Variants in HOXC5 observed in about 807,000 individuals in gnomAD.
HOXC5 encodes homeobox C5.
HOXC5 carries 19 observed loss-of-function variants against 20.1 expected under a neutral mutation model. The observed-to-expected ratio is 0.94, with a 90% CI of 0.66 to 1.38. The LOEUF is 1.38. Among genes scored for constraint, HOXC5 ranks in the 40% most tolerant of loss-of-function variants. The pLI is 0.00. For synonymous variants in HOXC5, 124 were observed against 117.0 expected (o/e 1.06, Z -0.39); for missense variants, 330 against 300.1 (o/e 1.10, Z -0.74).
At chr12:54,016,962 A>G in the HOXC5 span, 1 of 147,796 alleles carries the variant, frequency 6.8e-6, no homozygotes, top group Non-Finnish European at 1.5e-5. Context: ...CATTAGCAGT[A>G]TTTTTTTTAA....
chr12:54,029,108 G>A (rs962219583), upstream of HOXC5, among the ~76,000 whole-genome samples: 21 of 152,068 alleles, frequency 1.4e-4, no homozygotes, highest in African/African-American at 1.7e-4. Flanking sequence ...CAGGGGCCTG[G>A]CCCCCTTGGC....
chr12:54,028,992 ACGG>A, upstream of HOXC5: 1 of 1,452,646 alleles, frequency 6.9e-7, no homozygotes, highest in East Asian at 2.3e-5. Context: ...CCCTAGAAGA[ACGG>A]GCGGAGAGAG....
At position 54,033,180 on chromosome 12, in the gene HOXC5, A is replaced by G. The variant is rs766759896; in HGVS notation, c.58A>G (p.Asn20Asp). 22 of 1,614,080 alleles carry G rather than the reference A, an allele frequency of 1.4e-5. No homozygotes were observed. The Admixed American group carries it at 3.7e-4, about 27-fold the overall frequency. ...GCAGAGCCCCAATATCCCTGCCTATAACATGCAAACTTGTGGGAACTATGG... is the reference window on the plus strand; with the variant it reads ...GCAGAGCCCCAATATCCCTGCCTATGACATGCAAACTTGTGGGAACTATGG... ...YKQSPNIPAY[N>D]MQTCGNYGSA... Residue 20 changes from asparagine (N) to aspartate (D), a missense_variant, in exon 1 of 2, where the codon AAC becomes GAC. Asn to Asp is a conservative substitution (Grantham distance 23). Transcript: ENST00000312492.
the HOXC5 span, chr12:54,020,893 A>T: frequency 6.6e-6 from 1 of 152,124 alleles, no homozygotes; most frequent in African/African-American, 2.4e-5. Flanking sequence ...CTTTCTCTCC[A>T]CACCTCCTGG....
Position 54,034,727 on chromosome 12 carries a change from C to A in HOXC5, c.*235C>A. 1 of 526,394 alleles carries A rather than the reference C, an allele frequency of 1.9e-6. No homozygotes were observed. The highest frequency in any genetic ancestry group is 3.4e-6 in the Non-Finnish European group (1 of 291,282). The allele number at this position is 526,394 out of a possible 1,614,324, so 32.6% of individuals were successfully genotyped here. ...CCTCAGCTCGGCTCAGCTCGGTACCCGGGGCCCAGGGCAAGCTCCGCAGGA... is the reference window on the plus strand; with the variant it reads ...CCTCAGCTCGGCTCAGCTCGGTACCAGGGGCCCAGGGCAAGCTCCGCAGGA... On this transcript the variant is annotated 3_prime_UTR_variant, in exon 2 of 2. Coordinates refer to ENST00000312492, the MANE Select transcript of HOXC5 (RefSeq NM_018953.4).
upstream of HOXC5, among the ~76,000 whole-genome samples, chr12:54,031,001 G>T (rs377753939): frequency 2.6e-5 from 4 of 152,242 alleles, no homozygotes; most frequent in Admixed American, 2.6e-4. Context: ...GCACTGAGGG[G>T]CTGGGAGGCC....
At chr12:54,031,831 C>G (rs143567681), upstream of HOXC5, among the ~76,000 whole-genome samples, 1,676 of 152,260 alleles carry the variant, frequency 0.011, 32 homozygotes, top group African/African-American at 0.038. Flanking sequence ...CTGCAGATAC[C>G]CTGCGAAGGC....
At position 54,033,351 on chromosome 12, in the gene HOXC5, AGCGCCGCGGCC is replaced by A; in HGVS notation, c.232_242del (p.Ala78SerfsTer32). The A allele has an allele frequency of 6.2e-7, 1 of 1,612,830 alleles. No homozygotes were observed. Among genetic ancestry groups the A allele is most frequent in the Non-Finnish European group, 8.5e-7 (1 of 1,179,416 alleles). ...GGCTCACCCCGACCGCCCCGCCTGC[AGCGCCGCGGCC>A]GCTCCGGGACACGCTCCGGGCAGAG... is the stretch of plus-strand genomic sequence containing the variant. On this transcript the variant is annotated frameshift_variant, in exon 1 of 2. Transcript: ENST00000312492. LOFTEE classifies it high-confidence loss of function.
In HOXC5 at chr12:54,033,479, AGAGGAG is replaced by A. The variant is rs771438592; in HGVS notation, c.358_363del (p.Glu120_Glu121del). On this transcript the variant is annotated inframe_deletion, in exon 1 of 2. Transcript: ENST00000312492. ...GAGCTAAGAGCAGTGGGGAGATCAA[AGAGGAG>A]CAGGCGCAGACAGGGCAGCCCGCCG... 1.3e-6 allele frequency: 2 copies of A among 1,595,790 alleles called. No homozygotes were observed. The highest frequency in any genetic ancestry group is 1.7e-6 in the Non-Finnish European group (2 of 1,173,766).
chr12:54,018,049 T>C, the HOXC5 span, among the ~76,000 whole-genome samples: 1 of 151,856 alleles, frequency 6.6e-6, no homozygotes, highest in Admixed American at 6.5e-5. Flanking sequence ...GGCTGGTGGC[T>C]GGTGCGCGTC....
At chr12:54,019,903 A>C in the HOXC5 span, 1 of 151,500 alleles carries the variant, frequency 6.6e-6, no homozygotes, top group African/African-American at 2.4e-5. Context: ...CCCTAGACCC[A>C]TCCTTACAAG....
At position 54,033,525 on chromosome 12, in the gene HOXC5, C is replaced by T. The variant is rs781557948; in HGVS notation, c.403C>T (p.Pro135Ser). The T allele has an allele frequency of 1.9e-6, 3 of 1,561,364 alleles. No homozygotes were observed. Among genetic ancestry groups the T allele is most frequent in the Middle Eastern group, 2.3e-4 (1 of 4,406 alleles). The part of the protein sequence containing the change: ...TGQPAGLSQP[P>S]APPQIYPWMT... Reference sequence around the variant, plus strand: ...GCAGCCCGCCGGACTGAGCCAGCCACCGGCCCCGCCACAGATTTACCCGTG... The same window carrying T: ...GCAGCCCGCCGGACTGAGCCAGCCATCGGCCCCGCCACAGATTTACCCGTG... The change falls in exon 1 of 2, where the codon CCG becomes TCG. Residue 135 changes from proline to serine, a missense_variant. Pro to Ser is a moderately conservative substitution (Grantham distance 74). Coordinates refer to ENST00000312492, the MANE Select transcript of HOXC5 (RefSeq NM_018953.4).
At chr12:54,027,718 A>G in the HOXC5 span, among the ~76,000 whole-genome samples, 1 of 152,194 alleles carries the variant, frequency 6.6e-6, no homozygotes, top group Admixed American at 6.5e-5. Context: ...AGGAGGCAGA[A>G]GGGAGCCAGG....
chr12:54,026,992 G>C, the HOXC5 span, among the ~76,000 whole-genome samples: 45,378 of 147,968 alleles, frequency 0.31, 7,488 homozygotes, highest in East Asian at 0.44. Flanking sequence ...AGCTTTCTCT[G>C]CTCCCCGCAC....
Position 54,033,289 on chromosome 12 carries a change from A to G in HOXC5, c.167A>G (p.Asn56Ser), listed in dbSNP as rs1460220361. 1 of 1,613,642 alleles carries G rather than the reference A, an allele frequency of 6.2e-7. No individual in the cohort carries two copies. Among genetic ancestry groups the G allele is most frequent in the Admixed American group, 1.7e-5 (1 of 59,982 alleles). Residue 56 changes from asparagine (N) to serine (S), a missense_variant, in exon 1 of 2, where the codon AAC becomes AGC. Transcript: ENST00000312492. ...ACTTTCCCACCGCCTGCGCCTTCCA[A>G]CTCTCTCCACGGGGTAGACATGGCT... Reference protein sequence around the residue: ...SITFPPPAPSNSLHGVDMAAN... With the variant: ...SITFPPPAPSSSLHGVDMAAN...
At position 54,033,379 on chromosome 12, in the gene HOXC5, C is replaced by G. The variant is rs763873244; in HGVS notation, c.257C>G (p.Pro86Arg). 2 of 1,613,048 alleles carry G rather than the reference C, an allele frequency of 1.2e-6. No homozygotes were observed. Among genetic ancestry groups the G allele is most frequent in the South Asian group, 1.1e-5 (1 of 91,040 alleles). ...GCCGCGGCCGCTCCGGGACACGCTCCGGGCAGAGACGAAGCGGCTCCTCTG... is the reference window on the plus strand; with the variant it reads ...GCCGCGGCCGCTCCGGGACACGCTCGGGGCAGAGACGAAGCGGCTCCTCTG... ...CSAAAAPGHA[P>R]GRDEAAPLNP... is the part of the protein sequence containing the mutation. Residue 86 changes from proline to arginine, a missense_variant, in exon 1 of 2, where the codon CCG (proline) becomes CGG (arginine). Coordinates refer to ENST00000312492, the MANE Select transcript of HOXC5 (RefSeq NM_018953.4).
At position 54,034,401 on chromosome 12, in the gene HOXC5, G is replaced by A. The variant is rs1322608399; in HGVS notation, c.578G>A (p.Cys193Tyr). The A allele has an allele frequency of 5.6e-6, 9 of 1,614,168 alleles. No individual in the cohort carries two copies. The highest frequency in any genetic ancestry group is 7.6e-6 in the Non-Finnish European group (9 of 1,179,962). Residue 193 changes from cysteine (C) to tyrosine (Y), a missense_variant, in exon 2 of 2, where the codon TGT (cysteine) becomes TAT (tyrosine). Coordinates refer to ENST00000312492, the MANE Select transcript of HOXC5 (RefSeq NM_018953.4). ...RRRIEIANNL[C>Y]LNERQIKIWF... is the part of the protein sequence containing the mutation. Reference sequence around the variant, plus strand: ...CGCATAGAGATCGCCAACAACTTGTGTCTCAATGAGAGACAGATCAAGATC... The same window carrying A: ...CGCATAGAGATCGCCAACAACTTGTATCTCAATGAGAGACAGATCAAGATC...
intron 1 of HOXC5, chr12:54,034,007 C>T (rs773034544): frequency 1.6e-6 from 1 of 644,600 alleles, no homozygotes; most frequent in Non-Finnish European, 2.9e-6. Context: ...GCTTATTGTT[C>T]GGTCCGAGCC....
chr12:54,034,377 G>T lies in HOXC5; in HGVS notation c.554G>T (p.Arg185Leu). 6.2e-7 allele frequency: 1 copy of T among 1,614,174 alleles called. No homozygotes were observed. The highest frequency in any genetic ancestry group is 2.2e-5 in the East Asian group (1 of 44,888). The change falls in exon 2 of 2, where the codon CGC becomes CTC. Residue 185 changes from arginine (R) to leucine (L), a missense_variant. By Grantham distance (102) the Arg-to-Leu change is moderately radical. Coordinates refer to ENST00000312492, the MANE Select transcript of HOXC5 (RefSeq NM_018953.4). ...HFNRYLTRRR[R>L]IEIANNLCLN... is the part of the protein sequence containing the mutation. ...AACCGCTACCTCACTCGCCGCAGGC[G>T]CATAGAGATCGCCAACAACTTGTGT...
Sources: gnomAD v4.1 joint callset for allele counts (sites outside exome capture counted in the v4.1 genomes callset) on GRCh38, gnomAD v4.1.1 for gene constraint, MANE v1.5 for transcripts, NCBI Gene and HGNC (gene_info 2026-07-23, HGNC 2026-07-21) for gene names.